SFMBT2: variants seen among roughly 807,000 people sequenced by gnomAD.
SFMBT2 encodes scm-like with four MBT domains protein 2.
In SFMBT2, 38 loss-of-function variants were observed where a neutral mutation model predicts 110.1. The observed-to-expected ratio is 0.35, with a 90% CI of 0.27 to 0.45. The LOEUF (loss-of-function observed/expected upper bound fraction) is 0.45, where lower values mean the gene tolerates loss of function less well. Among genes scored for constraint, SFMBT2 ranks in the 20% least tolerant of loss-of-function variants. The pLI is 1.00. For missense variants in SFMBT2, 1,011 were observed against 1,094.9 expected (o/e 0.92, Z 1.08); for synonymous variants, 425 against 425.4 (o/e 1.00, Z 0.01).
rs764148558 is a variant in SFMBT2, at chr10:7,379,615, C to T, written c.100+2184G>A. Among the ~76,000 whole-genome samples, 7 of 152,112 alleles carry T rather than the reference C, an allele frequency of 4.6e-5. No individual in the cohort carries two copies. In the East Asian group the frequency reaches 1.2e-3, roughly 25 times the overall value. On this transcript the variant is annotated intron_variant, in intron 2 of 20. Transcript: ENST00000397167. ...ACAAGTAAATACAGAAATCCCAAGG[C>T]GAAAGGACAGATTAGCCACATGGGG...
chr10:7,324,530 G>T (rs1345548168), intron 4 of SFMBT2, among the ~76,000 whole-genome samples: 2 of 152,140 alleles, frequency 1.3e-5, no homozygotes, highest in African/African-American at 4.8e-5. Flanking sequence ...AGTTCCCTGA[G>T]TTACTCCTCA....
intron 4 of SFMBT2, among the ~76,000 whole-genome samples, chr10:7,323,285 A>G (rs1843255663): frequency 6.6e-6 from 1 of 151,960 alleles, no homozygotes; most frequent in Non-Finnish European, 1.5e-5. Context: ...CTCCGTCTCT[A>G]CTAAAAATAC....
intron 4 of SFMBT2, among the ~76,000 whole-genome samples, chr10:7,327,539 G>C (rs1326766377): frequency 1.3e-5 from 2 of 152,088 alleles, no homozygotes; most frequent in African/African-American, 4.8e-5. Flanking sequence ...AAATTAGCTG[G>C]GTGTGGTAGC....
chr10:7,379,045 G>A (rs1462794782), intron 2 of SFMBT2, among the ~76,000 whole-genome samples: 1 of 152,066 alleles, frequency 6.6e-6, no homozygotes, highest in East Asian at 1.9e-4. Flanking sequence ...CTATGCCAGT[G>A]GGCTGTTGAA....
At chr10:7,214,598 A>C (rs1042260375) in intron 11 of SFMBT2, 2 of 985,390 alleles carry the variant, frequency 2.0e-6, no homozygotes, top group African/African-American at 3.5e-5. Context: ...CCTCAAACAC[A>C]CTTGCAGAAA....
chr10:7,328,988 T>C (rs1360220940), intron 4 of SFMBT2, among the ~76,000 whole-genome samples: 2 of 152,212 alleles, frequency 1.3e-5, no homozygotes, highest in Non-Finnish European at 2.9e-5. Flanking sequence ...AGAGCTTGCC[T>C]TACTTCTCCC....
chr10:7,371,384 C>T (rs1278737928), intron 2 of SFMBT2, among the ~76,000 whole-genome samples: 1 of 152,144 alleles, frequency 6.6e-6, no homozygotes, highest in Non-Finnish European at 1.5e-5. Context: ...GCCTCAGCCT[C>T]CCAAAGTGCT....
Position 7,346,574 on chromosome 10 carries a change from T to C in SFMBT2, c.436+21075A>G, listed in dbSNP as rs573976923. Among the ~76,000 whole-genome samples the C allele has an allele frequency of 5.3e-5, 8 of 152,330 alleles. No individual in the cohort carries two copies. The South Asian group carries it at 1.7e-3, about 32-fold the overall frequency. On this transcript the variant is annotated intron_variant, in intron 4 of 20. Transcript: ENST00000397167. ...GTGTATCAACTATAGACAATACATTTTGACTCCCAAATGAAGGAAAAAAAA... is the reference window on the plus strand; with the variant it reads ...GTGTATCAACTATAGACAATACATTCTGACTCCCAAATGAAGGAAAAAAAA...
Position 7,293,311 on chromosome 10 carries a change from C to G in SFMBT2, c.437-7357G>C, listed in dbSNP as rs1262088000. The stretch of plus-strand genomic sequence containing the variant: ...ACCGGGTTTCACCATGTTGGCCAGG[C>G]TGGTCTTGAACTCCTGACTTCAGGT... On this transcript the variant is annotated intron_variant, in intron 4 of 20. Transcript: ENST00000397167. The surrounding 1 kb of genome is among the most constrained non-coding windows in gnomAD (Gnocchi z 4.6). 6.6e-6 allele frequency among the ~76,000 whole-genome samples: 1 copy of G among 152,126 alleles called. No individual in the cohort carries two copies.
chr10:7,404,330 A>T (rs1031294975), intron 1 of SFMBT2, among the ~76,000 whole-genome samples: 2 of 152,256 alleles, frequency 1.3e-5, no homozygotes, highest in Non-Finnish European at 1.5e-5. Flanking sequence ...TATTCAGTTC[A>T]TATAGTAGTG....
intron 2 of SFMBT2, among the ~76,000 whole-genome samples, chr10:7,381,108 C>T (rs1432512196): frequency 6.6e-6 from 1 of 151,358 alleles, no homozygotes; most frequent in Admixed American, 6.6e-5. Flanking sequence ...TACATACATA[C>T]ATACATACAT....
chr10:7,188,281 T>C (rs1009736125), intron 16 of SFMBT2, among the ~76,000 whole-genome samples: 5 of 152,214 alleles, frequency 3.3e-5, no homozygotes, highest in Non-Finnish European at 5.9e-5. Flanking sequence ...TTTATGAACA[T>C]AGTATAATAA....
chr10:7,219,121 A>G (rs1839638910), intron 11 of SFMBT2, among the ~76,000 whole-genome samples: 1 of 152,244 alleles, frequency 6.6e-6, no homozygotes, highest in African/African-American at 2.4e-5. Context: ...ATAGCAAGTT[A>G]AATTTAGTCA....
At chr10:7,400,534 G>A (rs1031888714) in intron 1 of SFMBT2, among the ~76,000 whole-genome samples, 1 of 152,188 alleles carries the variant, frequency 6.6e-6, no homozygotes, top group Non-Finnish European at 1.5e-5. Context: ...CTATGAAGTT[G>A]ATGGCATCCA....
chr10:7,361,351 T>C (rs1348029851), intron 4 of SFMBT2, among the ~76,000 whole-genome samples: 1 of 152,248 alleles, frequency 6.6e-6, no homozygotes, highest in Admixed American at 6.5e-5. Flanking sequence ...TTCTACTTTT[T>C]GGAGTCCACA....
intron 4 of SFMBT2, among the ~76,000 whole-genome samples, chr10:7,361,401 G>C (rs1844713590): frequency 6.6e-6 from 1 of 152,144 alleles, no homozygotes; most frequent in Non-Finnish European, 1.5e-5. Context: ...TGCTTGTCTA[G>C]TCACTTTCCT....
chr10:7,180,508 T>C (rs1195918749), intron 16 of SFMBT2, among the ~76,000 whole-genome samples: 1 of 152,038 alleles, frequency 6.6e-6, no homozygotes, highest in Non-Finnish European at 1.5e-5. Flanking sequence ...AGGGACTGAC[T>C]GTGGAGGAGG....
At chr10:7,353,153 T>C (rs2132016958) in intron 4 of SFMBT2, among the ~76,000 whole-genome samples, 1 of 152,300 alleles carries the variant, frequency 6.6e-6, no homozygotes, top group African/African-American at 2.4e-5. Flanking sequence ...TGCTTCAATA[T>C]AAAATGCTTA....
chr10:7,386,206 T>C (rs1228591279), intron 1 of SFMBT2, among the ~76,000 whole-genome samples: 2 of 152,246 alleles, frequency 1.3e-5, no homozygotes, highest in East Asian at 3.9e-4. Flanking sequence ...GGGTATGTGA[T>C]TACTTTCGAG....
Sources: gnomAD v4.1 joint callset for allele counts (sites outside exome capture counted in the v4.1 genomes callset) on GRCh38, gnomAD v4.1.1 for gene constraint, Gnocchi (gnomAD v3.1) non-coding constraint, MANE v1.5 for transcripts, NCBI Gene and HGNC (gene_info 2026-07-23, HGNC 2026-07-21) for gene names.